The following SKAP1 variants were observed in gnomAD, a reference collection of about 807,000 sequenced individuals.
SKAP1 encodes the protein src kinase-associated phosphoprotein 1.
Under a neutral mutation model 58.5 loss-of-function variants are expected in SKAP1, and 44 were observed. The observed-to-expected ratio is 0.75, with a 90% CI of 0.59 to 0.97. The LOEUF (loss-of-function observed/expected upper bound fraction) is 0.97. Ranked by LOEUF, SKAP1 falls within the 50% of genes least tolerant of loss-of-function variation. The pLI is 0.00. For synonymous variants in SKAP1, 127 were observed against 149.7 expected (o/e 0.85, Z 1.11); for missense variants, 390 against 435.2 (o/e 0.90, Z 0.92).
At chr17:48,316,463 T>G (rs1316536352) in intron 4 of SKAP1, among the ~76,000 whole-genome samples, 1 of 152,218 alleles carries the variant, frequency 6.6e-6, no homozygotes, top group Non-Finnish European at 1.5e-5. Context: ...CTGATCACCC[T>G]GTTCTCAAAG....
intron 11 of SKAP1, among the ~76,000 whole-genome samples, chr17:48,147,175 T>C (rs926054183): frequency 1.3e-5 from 2 of 152,206 alleles, no homozygotes; most frequent in African/African-American, 4.8e-5. Flanking sequence ...AACAAGAGGA[T>C]GCATCTTCAA....
At chr17:48,170,802 T>C in intron 9 of SKAP1, 143 bp from the exon 10 acceptor site, 2 of 714,402 alleles carry the variant, frequency 2.8e-6, no homozygotes, top group Non-Finnish European at 4.7e-6. Context: ...ATTCCACGTC[T>C]GGGGTTCAAG....
At chr17:48,355,256 T>C (rs895313418) in intron 3 of SKAP1, among the ~76,000 whole-genome samples, 2 of 152,210 alleles carry the variant, frequency 1.3e-5, no homozygotes, top group Admixed American at 6.5e-5. Context: ...TATACAATAC[T>C]AATTTAAAAT....
chr17:48,194,827 A>C (rs1187999304), intron 4 of SKAP1, among the ~76,000 whole-genome samples: 1 of 152,198 alleles, frequency 6.6e-6, no homozygotes, highest in African/African-American at 2.4e-5. Flanking sequence ...CCTAGAGACT[A>C]ATAGCTAACA....
intron 1 of SKAP1, among the ~76,000 whole-genome samples, chr17:48,412,498 C>A (rs995856645): frequency 3.9e-5 from 6 of 152,094 alleles, no homozygotes; most frequent in African/African-American, 9.7e-5. Flanking sequence ...AGTAGTAGTG[C>A]GATCAGCTCA....
intron 4 of SKAP1, among the ~76,000 whole-genome samples, chr17:48,289,889 A>T (rs1217757043): frequency 6.6e-6 from 1 of 152,168 alleles, no homozygotes. Flanking sequence ...ATTTCAGAAC[A>T]TGTACCATGT....
At chr17:48,140,990 T>C (rs2063760347) in intron 11 of SKAP1, among the ~76,000 whole-genome samples, 1 of 152,080 alleles carries the variant, frequency 6.6e-6, no homozygotes, top group Non-Finnish European at 1.5e-5. Flanking sequence ...TTTCACCATA[T>C]TGGCCAGGCT....
intron 2 of SKAP1, among the ~76,000 whole-genome samples, chr17:48,390,027 G>A (rs2067326834): frequency 6.6e-6 from 1 of 152,112 alleles, no homozygotes; most frequent in African/African-American, 2.4e-5. Flanking sequence ...TATCATTAGG[G>A]GAATCTTCAA....
At chr17:48,389,639 T>C (rs1301009265) in intron 2 of SKAP1, among the ~76,000 whole-genome samples, 3 of 152,206 alleles carry the variant, frequency 2.0e-5, no homozygotes, top group Non-Finnish European at 4.4e-5. Flanking sequence ...CTCTGAGCCC[T>C]TTGCTGAGTG....
intron 11 of SKAP1, among the ~76,000 whole-genome samples, chr17:48,139,154 C>G (rs1598353558): frequency 6.6e-6 from 1 of 151,974 alleles, no homozygotes; most frequent in Non-Finnish European, 1.5e-5. Context: ...GCTGGGATTA[C>G]AGGTGTGAGC....
chr17:48,239,485 G>A (rs1386608474), intron 4 of SKAP1, among the ~76,000 whole-genome samples: 2 of 152,140 alleles, frequency 1.3e-5, no homozygotes, highest in African/African-American at 4.8e-5. Context: ...AAACCTCAGG[G>A]AGTTAATCTA....
At chr17:48,433,748 G>A (rs930205223), upstream of SKAP1, among the ~76,000 whole-genome samples, 2 of 152,144 alleles carry the variant, frequency 1.3e-5, no homozygotes, top group South Asian at 2.1e-4. Flanking sequence ...AAAACACACC[G>A]CCTTGTCCAC....
upstream of SKAP1, among the ~76,000 whole-genome samples, chr17:48,431,792 A>T (rs942568262): frequency 6.6e-6 from 1 of 152,226 alleles, no homozygotes; most frequent in Non-Finnish European, 1.5e-5. Flanking sequence ...CACAGGGGGA[A>T]GTGGGTAAAA....
intron 4 of SKAP1, among the ~76,000 whole-genome samples, chr17:48,271,927 T>C (rs1026564165): frequency 2.6e-5 from 4 of 152,162 alleles, no homozygotes; most frequent in East Asian, 1.9e-4. Context: ...CCTAAGTAAA[T>C]TGACATCCCT....
intron 11 of SKAP1, among the ~76,000 whole-genome samples, chr17:48,154,057 A>G (rs923109464): frequency 5.3e-5 from 8 of 152,206 alleles, no homozygotes; most frequent in African/African-American, 1.9e-4. Context: ...TCTCTTTTGG[A>G]AAGAACGGGG....
intron 1 of SKAP1, 73 bp downstream of exon 1, chr17:48,430,002 T>C (rs1308330778): frequency 1.7e-6 from 2 of 1,195,130 alleles, no homozygotes; most frequent in East Asian, 6.3e-5. Context: ...AAAGAAAGCC[T>C]GGCCGTGGGA....
intron 1 of SKAP1, among the ~76,000 whole-genome samples, chr17:48,419,534 C>T (rs2067771243): frequency 6.6e-6 from 1 of 152,150 alleles, no homozygotes; most frequent in African/African-American, 2.4e-5. Context: ...CCACCCGCCT[C>T]AGCCTCCCAA....
In SKAP1 at chr17:48,426,543, A is replaced by T. The variant is rs200110909; in HGVS notation, c.46+3532T>A. On this transcript the variant is annotated intron_variant, in intron 1 of 12. Coordinates refer to ENST00000336915, the MANE Select transcript of SKAP1 (RefSeq NM_003726.4). ...TTATGTTTATATCTGTGGAGCAAAG[A>T]TTATGCAAACTGCCAGCACTTCATT... Among the ~76,000 whole-genome samples the T allele has an allele frequency of 3.9e-5, 6 of 152,228 alleles. No homozygotes were observed. In the East Asian group the frequency reaches 9.6e-4, roughly 24 times the overall value.
At chr17:48,325,273 A>G (rs1409853141) in intron 4 of SKAP1, among the ~76,000 whole-genome samples, 1 of 139,708 alleles carries the variant, frequency 7.2e-6, no homozygotes, top group Non-Finnish European at 1.6e-5. Flanking sequence ...AAAAAAAAAA[A>G]AAAGACATAA....
Sources: gnomAD v4.1 joint callset for allele counts (sites outside exome capture counted in the v4.1 genomes callset) on GRCh38, gnomAD v4.1.1 for gene constraint, MANE v1.5 for transcripts, NCBI Gene and HGNC (gene_info 2026-07-23, HGNC 2026-07-21) for gene names.